Variants in PDCD1LG2 observed in about 807,000 individuals in gnomAD.
The protein encoded by PDCD1LG2 is programmed cell death 1 ligand 2.
In PDCD1LG2, 32 loss-of-function variants were observed where a neutral mutation model predicts 28.2. The observed-to-expected ratio is 1.13, with a 90% CI of 0.86 to 1.52. The LOEUF (loss-of-function observed/expected upper bound fraction) is 1.52, where lower values mean the gene tolerates loss of function less well. Among genes scored for constraint, PDCD1LG2 ranks in the 40% most tolerant of loss-of-function variants. PDCD1LG2 has a pLI of 0.00. For synonymous variants in PDCD1LG2, 116 were observed against 120.2 expected (o/e 0.97, Z 0.23); for missense variants, 385 against 323.8 (o/e 1.19, Z -1.45).
intron 3 of PDCD1LG2, 55 bp from the exon 4 acceptor site, chr9:5,549,280 G>C (rs1816274468): frequency 2.0e-6 from 3 of 1,512,886 alleles, no homozygotes; most frequent in African/African-American, 1.4e-5. Flanking sequence ...GAAGTACCAA[G>C]CTCTATAGGA....
chr9:5,517,548 T>C (rs1820191803), intron 1 of PDCD1LG2, among the ~76,000 whole-genome samples: 1 of 152,238 alleles, frequency 6.6e-6, no homozygotes, highest in Non-Finnish European at 1.5e-5. Flanking sequence ...GGTTTTACAC[T>C]GAGTGAAATG....
Position 5,550,973 on chromosome 9 carries a change from G to A in PDCD1LG2, c.631+1369G>A, listed in dbSNP as rs144063811. On this transcript the variant is annotated intron_variant, in intron 4 of 6. Coordinates refer to ENST00000397747, the MANE Select transcript of PDCD1LG2 (RefSeq NM_025239.4). ...CTCCCAAATTGCTAGGATTACAGGC[G>A]TGAGCCATCATGATCAGCCACATCT... Among the ~76,000 whole-genome samples, 16 of 152,224 alleles carry A rather than the reference G, an allele frequency of 1.1e-4. No individual in the cohort carries two copies. The East Asian group carries it at 1.9e-3, about 18-fold the overall frequency.
intron 1 of PDCD1LG2, among the ~76,000 whole-genome samples, chr9:5,519,024 A>AGAAGGGGGG (rs1281825906): frequency 6.6e-6 from 1 of 152,194 alleles, no homozygotes; most frequent in African/African-American, 2.4e-5. Context: ...AGATCCCAAG[A>AGAAGGGGGG]GAAGGGGGGC....
Position 5,570,192 on chromosome 9 carries a change from T to C in PDCD1LG2, c.*233T>C, listed in dbSNP as rs1476866870. The stretch of plus-strand genomic sequence containing the variant: ...GGAGCCTATGGCTTTAAGCAAGCAC[T>C]ACTGCACTTTACAGAATTACCCCAC... On this transcript the variant is annotated 3_prime_UTR_variant, in exon 7 of 7. Transcript: ENST00000397747. 3 of 479,270 alleles carry C rather than the reference T, an allele frequency of 6.3e-6. No homozygotes were observed. Among genetic ancestry groups the C allele is most frequent in the Non-Finnish European group, 1.1e-5 (3 of 264,096 alleles). The allele number at this position is 479,270 out of a possible 1,614,324, so 29.7% of individuals were successfully genotyped here.
intron 3 of PDCD1LG2, among the ~76,000 whole-genome samples, chr9:5,540,879 C>G (rs944435906): frequency 6.6e-6 from 1 of 152,110 alleles, no homozygotes; most frequent in African/African-American, 2.4e-5. Flanking sequence ...CAGTAGCACC[C>G]TAATACAAAA....
intron 4 of PDCD1LG2, among the ~76,000 whole-genome samples, chr9:5,554,318 T>A (rs1816394354): frequency 6.6e-6 from 1 of 152,178 alleles, no homozygotes; most frequent in Non-Finnish European, 1.5e-5. Flanking sequence ...GACAGCCAGG[T>A]CAGAGCAGCC....
chr9:5,564,831 G>C (rs1284373073), intron 6 of PDCD1LG2, among the ~76,000 whole-genome samples: 2 of 152,192 alleles, frequency 1.3e-5, no homozygotes, highest in African/African-American at 4.8e-5. Flanking sequence ...TGCTCATGTT[G>C]GTTATTTTTT....
Position 5,534,942 on chromosome 9 carries a change from G to C in PDCD1LG2, c.253G>C (p.Ala85Pro), listed in dbSNP as rs1413071177. The C allele has an allele frequency of 1.2e-6, 2 of 1,614,122 alleles. No individual in the cohort carries two copies. The highest frequency in any genetic ancestry group is 1.7e-6 in the Non-Finnish European group (2 of 1,180,002). Residue 85 changes from alanine (A) to proline (P), a missense_variant, in exon 3 of 7, where the codon GCC becomes CCC. Coordinates refer to ENST00000397747, the MANE Select transcript of PDCD1LG2 (RefSeq NM_025239.4). ...LLEEQLPLGK[A>P]SFHIPQVQVR... ...GGAGGAGCAGCTGCCCCTAGGGAAG[G>C]CCTCGTTCCACATACCTCAAGTCCA...
At chr9:5,540,550 A>C (rs1357520749) in intron 3 of PDCD1LG2, among the ~76,000 whole-genome samples, 1 of 152,244 alleles carries the variant, frequency 6.6e-6, no homozygotes, top group African/African-American at 2.4e-5. Flanking sequence ...CTCATATCAC[A>C]GAAATACAAA....
chr9:5,537,458 A>G (rs1407414193), intron 3 of PDCD1LG2, among the ~76,000 whole-genome samples: 1 of 152,198 alleles, frequency 6.6e-6, no homozygotes, highest in Non-Finnish European at 1.5e-5. Context: ...TTGATCAAAT[A>G]TGTGTTAATA....
chr9:5,542,010 G>T (rs958226746), intron 3 of PDCD1LG2, among the ~76,000 whole-genome samples: 1 of 152,100 alleles, frequency 6.6e-6, no homozygotes, highest in Non-Finnish European at 1.5e-5. Context: ...ACAAAACGGA[G>T]AACCTAGGAA....
chr9:5,532,016 T>C (rs1338564221), intron 2 of PDCD1LG2, among the ~76,000 whole-genome samples: 1 of 152,190 alleles, frequency 6.6e-6, no homozygotes, highest in Non-Finnish European at 1.5e-5. Flanking sequence ...TAAGGACGGC[T>C]TCCATCATAA....
chr9:5,528,478 T>G (rs1820421321), intron 2 of PDCD1LG2, among the ~76,000 whole-genome samples: 1 of 151,366 alleles, frequency 6.6e-6, no homozygotes, highest in African/African-American at 2.4e-5. Context: ...TTTTTTTTTT[T>G]TAATTTTGTA....
intron 1 of PDCD1LG2, among the ~76,000 whole-genome samples, chr9:5,518,008 A>G (rs7864394): frequency 0.024 from 3,660 of 152,314 alleles, 138 homozygotes; most frequent in African/African-American, 0.083. Context: ...CACCATGCAA[A>G]AAGTATCCAG....
intron 6 of PDCD1LG2, among the ~76,000 whole-genome samples, chr9:5,568,820 CTG>C (rs1281567824): frequency 6.6e-6 from 1 of 152,180 alleles, no homozygotes; most frequent in African/African-American, 2.4e-5. Flanking sequence ...TGTGAAAAGT[CTG>C]TGTATTTTTT....
Position 5,525,340 on chromosome 9 carries a change from AT to A in PDCD1LG2, c.55+2742del, listed in dbSNP as rs1433087737. On this transcript the variant is annotated intron_variant, in intron 2 of 6. Coordinates refer to ENST00000397747, the MANE Select transcript of PDCD1LG2 (RefSeq NM_025239.4). ...AGCCTGGGTGACAGAGTGAGATTCC[AT>A]TTAAAAAAAAAAAAAAAGAAAAAAA... Among the ~76,000 whole-genome samples, 6 of 109,670 alleles carry A rather than the reference AT, an allele frequency of 5.5e-5. No individual in the cohort carries two copies. The Middle Eastern group carries it at 0.013, about 230-fold the overall frequency. The allele number at this position is 109,670 out of a possible 152,430, so 71.9% of individuals were successfully genotyped here. A position where few individuals can be genotyped will look rare whatever the true frequency, so the allele number is the denominator to read the frequency against.
rs371447291 is a variant in PDCD1LG2, at chr9:5,522,621, G to T, written c.55+20G>T. ...TAGCAGGTAAGAAAGGACAAAGGGA[G>T]AGGCTTAAGAAAGAAGAGCAGGTGG... On this transcript the variant is annotated intron_variant, in intron 2 of 6. Coordinates refer to ENST00000397747, the MANE Select transcript of PDCD1LG2 (RefSeq NM_025239.4). 52 of 1,611,086 alleles carry T rather than the reference G, an allele frequency of 3.2e-5. No individual in the cohort carries two copies. The African/African-American group carries it at 6.4e-4, about 20-fold the overall frequency.
intron 5 of PDCD1LG2, 107 bp from the exon 6 acceptor site, chr9:5,563,055 C>T: frequency 2.1e-6 from 2 of 939,398 alleles, no homozygotes; most frequent in East Asian, 2.6e-5. Flanking sequence ...TTGGGCTTCG[C>T]TATGTGGATT....
At chr9:5,557,868 T>G in intron 5 of PDCD1LG2, 116 bp downstream of exon 5, 1 of 1,261,710 alleles carries the variant, frequency 7.9e-7, no homozygotes, top group Non-Finnish European at 1.1e-6. Context: ...TCAGAGCTTA[T>G]GAACCACTTT....
Sources: gnomAD v4.1 joint callset for allele counts (sites outside exome capture counted in the v4.1 genomes callset) on GRCh38, gnomAD v4.1.1 for gene constraint, MANE v1.5 for transcripts, NCBI Gene and HGNC (gene_info 2026-07-23, HGNC 2026-07-21) for gene names.